PLD1: variants seen among roughly 807,000 people sequenced by gnomAD.
The protein encoded by PLD1 is phospholipase D1, also known as choline phosphatase 1.
Under a neutral mutation model 137.1 loss-of-function variants are expected in PLD1, and 112 were observed. That is an observed-to-expected ratio of 0.82 (90% CI 0.70 to 0.96). The LOEUF (loss-of-function observed/expected upper bound fraction) is 0.96. Among genes scored for constraint, PLD1 ranks in the 40% least tolerant of loss-of-function variants. The probability of loss-of-function intolerance (pLI) is 0.00; values close to 1 mark genes in which losing one functional copy is unlikely to be tolerated. For synonymous variants in PLD1, 431 were observed against 454.7 expected, an observed-to-expected ratio of 0.95 and a Z score of 0.66; for missense variants, 1,321 against 1,342.0, an observed-to-expected ratio of 0.98 and a Z score of 0.24.
At chr3:171,753,164 C>A (rs1451409945) in intron 1 of PLD1, among the ~76,000 whole-genome samples, 1 of 152,216 alleles carries the variant, frequency 6.6e-6, no homozygotes, top group African/African-American at 2.4e-5. Flanking sequence ...AGACTCTGCT[C>A]AGTGGGTGTG....
At chr3:171,759,022 A>G (rs1206781900) in intron 1 of PLD1, among the ~76,000 whole-genome samples, 4 of 152,362 alleles carry the variant, frequency 2.6e-5, no homozygotes, top group South Asian at 2.1e-4. Context: ...CAACATGTGT[A>G]TGATATTACC....
intron 18 of PLD1, among the ~76,000 whole-genome samples, chr3:171,676,076 AGGT>A (rs774548859): frequency 3.0e-4 from 46 of 152,250 alleles, no homozygotes; most frequent in Non-Finnish European, 6.0e-4. Flanking sequence ...TCCTGACCTC[AGGT>A]GATCCACCAG....
intron 23 of PLD1, among the ~76,000 whole-genome samples, chr3:171,624,335 A>G (rs1339073316): frequency 6.6e-6 from 1 of 152,210 alleles, no homozygotes; most frequent in Non-Finnish European, 1.5e-5. Flanking sequence ...TTTGTTATCT[A>G]TAAGATTGGC....
At chr3:171,629,968 C>G (rs1212911420) in intron 23 of PLD1, among the ~76,000 whole-genome samples, 1 of 152,196 alleles carries the variant, frequency 6.6e-6, no homozygotes, top group Non-Finnish European at 1.5e-5. Context: ...GACTTCATGT[C>G]TAAAACACCA....
At chr3:171,649,642 C>T (rs1736556421) in intron 21 of PLD1, among the ~76,000 whole-genome samples, 1 of 152,176 alleles carries the variant, frequency 6.6e-6, no homozygotes, top group African/African-American at 2.4e-5. Flanking sequence ...AGCAATCTTG[C>T]TTTTGGGGCT....
In PLD1 at chr3:171,601,750, C is replaced by T. The variant is rs535247511; in HGVS notation, c.*1328G>A. 9 of 152,256 alleles carry T rather than the reference C, an allele frequency of 5.9e-5. No individual in the cohort carries two copies. In the South Asian group the frequency reaches 1.0e-3, roughly 17 times the overall value. 9.4% of individuals were successfully genotyped at this position (152,256 alleles called of 1,614,324 possible). On this transcript the variant is annotated 3_prime_UTR_variant, in exon 27 of 27. Transcript: ENST00000351298. The stretch of plus-strand genomic sequence containing the variant: ...TCCATAGACATGTATAATCATTACA[C>T]CTGCATTTTGTTTTACAGGTACAGG...
intron 22 of PLD1, 119 bp from the exon 23 acceptor site, chr3:171,643,008 T>C (rs1735898008): frequency 1.5e-6 from 1 of 654,842 alleles, no homozygotes; most frequent in African/African-American, 1.9e-5. Flanking sequence ...TATGAGAAGA[T>C]GCTACATATA....
intron 21 of PLD1, among the ~76,000 whole-genome samples, chr3:171,656,401 C>A (rs7652569): frequency 0.043 from 6,598 of 152,180 alleles, 466 homozygotes; most frequent in African/African-American, 0.15. Flanking sequence ...AAACTCCTGA[C>A]CTCAGGTGAT....
chr3:171,665,301 C>T lies in PLD1; in HGVS notation c.2230-3131G>A, dbSNP rs1359100607. Among the ~76,000 whole-genome samples, 7 of 152,182 alleles carry T rather than the reference C, an allele frequency of 4.6e-5. 1 individual carries two copies. On this transcript the variant is annotated intron_variant, in intron 19 of 26. Coordinates refer to ENST00000351298, the MANE Select transcript of PLD1 (RefSeq NM_002662.5). ...CAATGGCTTTCATGGAAGGGGACGCCTGAAGGTCACATATTTGCCATTTTT... is the reference window on the plus strand; with the variant it reads ...CAATGGCTTTCATGGAAGGGGACGCTTGAAGGTCACATATTTGCCATTTTT...
intron 1 of PLD1, among the ~76,000 whole-genome samples, chr3:171,762,683 G>A (rs1208246798): frequency 1.3e-5 from 2 of 152,142 alleles, no homozygotes; most frequent in African/African-American, 2.4e-5. Context: ...ATGGTGGGTC[G>A]GACTGTGCAA....
At chr3:171,754,010 T>C (rs1401975875) in intron 1 of PLD1, among the ~76,000 whole-genome samples, 1 of 152,184 alleles carries the variant, frequency 6.6e-6, no homozygotes, top group Non-Finnish European at 1.5e-5. Flanking sequence ...CCATTGGGAC[T>C]CATATCAGGT....
intron 1 of PLD1, among the ~76,000 whole-genome samples, chr3:171,797,618 G>C (rs2108356231): frequency 6.7e-6 from 1 of 149,976 alleles, no homozygotes; most frequent in Non-Finnish European, 1.5e-5. Flanking sequence ...GGCAAACTTA[G>C]AAGGTTGTCT....
At chr3:171,763,450 A>AGGAGGGGAGG (rs1175069900) in intron 1 of PLD1, among the ~76,000 whole-genome samples, 1 of 71,848 alleles carries the variant, frequency 1.4e-5, no homozygotes, top group Non-Finnish European at 2.6e-5. Context: ...GAAGAGAAAG[A>AGGAGGGGAGG]GGAGGGGAGG....
intron 23 of PLD1, among the ~76,000 whole-genome samples, chr3:171,626,875 C>T (rs528574967): frequency 6.6e-6 from 1 of 152,230 alleles, no homozygotes; most frequent in Non-Finnish European, 1.5e-5. Flanking sequence ...ATAGGAACAG[C>T]TGGTACCAGC....
At chr3:171,766,957 C>T (rs1419686770) in intron 1 of PLD1, among the ~76,000 whole-genome samples, 1 of 152,128 alleles carries the variant, frequency 6.6e-6, no homozygotes, top group African/African-American at 2.4e-5. Flanking sequence ...TTCAAATGCA[C>T]ATTTATGTCT....
chr3:171,800,737 G>A (rs1372726535), intron 1 of PLD1, among the ~76,000 whole-genome samples: 1 of 152,132 alleles, frequency 6.6e-6, no homozygotes, highest in Non-Finnish European at 1.5e-5. Context: ...AGTTCTGGGG[G>A]CTAGGAAGTC....
rs144146592 is a variant in PLD1, at chr3:171,724,767, T to C, written c.687A>G (p.Arg229=). The change falls in exon 8 of 27, where the codon AGA becomes AGG. Residue 229 remains arginine (R), a synonymous_variant. Coordinates refer to ENST00000351298, the MANE Select transcript of PLD1 (RefSeq NM_002662.5). ...AGCCTGGTATTCTGTGTCCTCCAGA[T>C]CTTTTCATTATCATACCTTCTCTGA... ...PKGIEGMIMK[R]SGGHRIPGLN... 6.2e-7 allele frequency: 1 copy of C among 1,607,970 alleles called. No homozygotes were observed. Among genetic ancestry groups the C allele is most frequent in the African/African-American group, 1.3e-5 (1 of 74,866 alleles).
In PLD1 at chr3:171,709,800, A is replaced by T. The variant is rs571568870; in HGVS notation, c.912-91T>A. On this transcript the variant is annotated intron_variant, in intron 9 of 26. Transcript: ENST00000351298. Reference sequence around the variant, plus strand: ...TTGGTAATATACCAAACACAAACTGAAAATTTGAGGCAAAGAACATCAAGA... The same window carrying T: ...TTGGTAATATACCAAACACAAACTGTAAATTTGAGGCAAAGAACATCAAGA... 9.2e-5 allele frequency: 104 copies of T among 1,124,780 alleles called. 1 individual carries two copies. In the African/African-American group the frequency reaches 1.5e-3, roughly 16 times the overall value. 69.7% of individuals were successfully genotyped at this position (1,124,780 alleles called of 1,614,324 possible).
At chr3:171,619,768 CTGGGCACT>C (rs1733431352) in intron 24 of PLD1, among the ~76,000 whole-genome samples, 1 of 152,178 alleles carries the variant, frequency 6.6e-6, no homozygotes, top group Non-Finnish European at 1.5e-5. Flanking sequence ...TCCCTGAAAT[CTGGGCACT>C]TGGATTGTAA....
Sources: allele counts gnomAD v4.1 joint callset (sites outside exome capture counted in the v4.1 genomes callset), GRCh38; gene constraint gnomAD v4.1.1; transcripts MANE v1.5; gene names NCBI Gene and HGNC (gene_info 2026-07-23, HGNC 2026-07-21).